Variants in ZC3H15 observed in about 807,000 individuals in gnomAD.
ZC3H15 encodes the protein zinc finger CCCH-type containing 15.
A neutral mutation model predicts 51.2 loss-of-function variants in ZC3H15; 15 were observed. The observed-to-expected ratio is 0.29, with a 90% CI of 0.20 to 0.45. ZC3H15 has a LOEUF of 0.45. ZC3H15 is among the 20% of genes least tolerant of loss of function. The pLI is 1.00. For synonymous variants in ZC3H15, 144 were observed against 162.8 expected (o/e 0.88, Z 0.88); for missense variants, 381 against 494.7 (o/e 0.77, Z 2.18).
At chr2:186,499,939 A>G (rs1335490381) in intron 2 of ZC3H15, among the ~76,000 whole-genome samples, 1 of 152,226 alleles carries the variant, frequency 6.6e-6, no homozygotes, top group African/African-American at 2.4e-5. Flanking sequence ...AGCATGTAGT[A>G]AGTGCTTAAT....
At chr2:186,507,341 A>G in intron 9 of ZC3H15, 1 of 455,260 alleles carries the variant, frequency 2.2e-6, no homozygotes. Context: ...TTGAGACTGC[A>G]ATGATAACGG....
chr2:186,506,640 T>G, intron 8 of ZC3H15, 73 bp from the exon 9 acceptor site: 1 of 1,509,332 alleles, frequency 6.6e-7, no homozygotes, highest in Non-Finnish European at 8.9e-7. Context: ...TTTTGGCTCA[T>G]TAAGATAAAT....
At chr2:186,504,322 A>G in intron 6 of ZC3H15, 108 bp downstream of exon 6, 3 of 967,066 alleles carry the variant, frequency 3.1e-6, no homozygotes, top group Non-Finnish European at 4.3e-6. Flanking sequence ...AAAAAAAAAT[A>G]TTGTGATCTA....
chr2:186,506,934 T>C (rs1685477020), intron 9 of ZC3H15, 98 bp downstream of exon 9: 2 of 1,302,920 alleles, frequency 1.5e-6, no homozygotes, highest in Admixed American at 2.2e-5. Context: ...AGGTACCAGA[T>C]TGGTAACATA....
In ZC3H15 at chr2:186,505,537, T is replaced by A. The variant is rs1481949791; in HGVS notation, c.804T>A (p.Asp268Glu). Residue 268 changes from aspartate to glutamate, a missense_variant, in exon 7 of 10, where the codon GAT (aspartate) becomes GAA (glutamate). Transcript: ENST00000337859. The part of the protein sequence containing the change: ...WKKRKRQEKI[D>E]KLEQDMERRK... Reference sequence around the variant, plus strand: ...AAAGGAAAAGACAAGAAAAGATTGATAAACTTGAACAAGATATGGAAAGAA... The same window carrying A: ...AAAGGAAAAGACAAGAAAAGATTGAAAAACTTGAACAAGATATGGAAAGAA... The A allele has an allele frequency of 1.2e-6, 2 of 1,608,516 alleles. No individual in the cohort carries two copies. The highest frequency in any genetic ancestry group is 1.7e-6 in the Non-Finnish European group (2 of 1,178,378).
intron 3 of ZC3H15, chr2:186,500,770 GT>G (rs1685369459): frequency 6.7e-6 from 3 of 448,826 alleles, no homozygotes; most frequent in Non-Finnish European, 1.3e-5. Context: ...CGACTGTCTG[GT>G]TCAAGCCATT....
Position 186,486,277 on chromosome 2 carries a change from G to C in ZC3H15, c.-106G>C. The C allele has an allele frequency of 8.0e-7, 1 of 1,256,890 alleles. No homozygotes were observed. The allele number at this position is 1,256,890 out of a possible 1,614,324, so 77.9% of individuals were successfully genotyped here. On this transcript the variant is annotated 5_prime_UTR_variant, in exon 1 of 10. Coordinates refer to ENST00000337859, the MANE Select transcript of ZC3H15 (RefSeq NM_018471.3). The stretch of plus-strand genomic sequence containing the variant: ...CAATGAGCGACTCGCTTTCCGTGCG[G>C]TGCGGCGAGTGAGGCCCCGGTCTTC...
chr2:186,498,030 T>C (rs567713437), intron 2 of ZC3H15, among the ~76,000 whole-genome samples: 1 of 152,264 alleles, frequency 6.6e-6, no homozygotes, highest in Admixed American at 6.5e-5. Flanking sequence ...CCCACCCAGA[T>C]TTTGCAACAT....
At position 186,509,221 on chromosome 2, in the gene ZC3H15, A is replaced by C; in HGVS notation, c.*488A>C. The C allele has an allele frequency of 4.4e-6, 1 of 228,996 alleles. No homozygotes were observed. Among genetic ancestry groups the C allele is most frequent in the Non-Finnish European group, 8.8e-6 (1 of 113,880 alleles). 14.2% of individuals were successfully genotyped at this position (228,996 alleles called of 1,614,324 possible). ...GATTCAGTATTGTGTATCTTTGGAC[A>C]ATTAGATGGACATTTAAAATGGAAC... On this transcript the variant is annotated 3_prime_UTR_variant, in exon 10 of 10. Coordinates refer to ENST00000337859, the MANE Select transcript of ZC3H15 (RefSeq NM_018471.3).
intron 4 of ZC3H15, among the ~76,000 whole-genome samples, chr2:186,502,000 G>C (rs987784567): frequency 6.6e-6 from 1 of 151,954 alleles, no homozygotes; most frequent in African/African-American, 2.4e-5. Context: ...ATGAGCCACT[G>C]CTCCGGCCTT....
At chr2:186,496,963 C>T in intron 2 of ZC3H15, 1 of 314,642 alleles carries the variant, frequency 3.2e-6, no homozygotes, top group Non-Finnish European at 6.1e-6. Context: ...AATGGTATAC[C>T]TTTTCTATTT....
rs1173191978 is a variant in ZC3H15 at position 186,501,423 on chromosome 2, AAG to A, written c.441_442del (p.Asp148TyrfsTer4). On this transcript the variant is annotated frameshift_variant and splice_region_variant, in exon 4 of 10. Coordinates refer to ENST00000337859, the MANE Select transcript of ZC3H15 (RefSeq NM_018471.3). LOFTEE classifies it high-confidence loss of function. ...GATGCAAGAGATGAAGAACTTGAAA[AAG>A]GTAATTTTTTTAAAAACACTCTCTT... 1 of 1,604,684 alleles carries A rather than the reference AAG, an allele frequency of 6.2e-7. No individual in the cohort carries two copies.
At chr2:186,500,463 T>C (rs1166277880) in intron 3 of ZC3H15, among the ~76,000 whole-genome samples, 170 bp downstream of exon 3, 2 of 152,198 alleles carry the variant, frequency 1.3e-5, no homozygotes, top group African/African-American at 4.8e-5. Context: ...CCTCTGTATA[T>C]GTTCACATCT....
chr2:186,493,852 T>C (rs1685237084), intron 1 of ZC3H15, among the ~76,000 whole-genome samples: 1 of 149,472 alleles, frequency 6.7e-6, no homozygotes, highest in Non-Finnish European at 1.5e-5. Flanking sequence ...GCACCAGTTA[T>C]TGGATCTAGG....
intron 2 of ZC3H15, among the ~76,000 whole-genome samples, chr2:186,497,418 T>C (rs1319894026): frequency 6.6e-6 from 1 of 152,182 alleles, no homozygotes; most frequent in Non-Finnish European, 1.5e-5. Flanking sequence ...TGTTTAGAGC[T>C]CACGCCTGTA....
At chr2:186,502,777 A>C (rs1463261768) in intron 5 of ZC3H15, among the ~76,000 whole-genome samples, 190 bp downstream of exon 5, 1 of 152,184 alleles carries the variant, frequency 6.6e-6, no homozygotes, top group Non-Finnish European at 1.5e-5. Flanking sequence ...CTTGTTCAGA[A>C]ATAGCTGAAC....
intron 2 of ZC3H15, among the ~76,000 whole-genome samples, chr2:186,499,108 A>G (rs370333507): frequency 2.0e-5 from 3 of 152,276 alleles, no homozygotes; most frequent in East Asian, 3.9e-4. Flanking sequence ...CTTCATGTTC[A>G]GTCAGTCCTA....
intron 2 of ZC3H15, among the ~76,000 whole-genome samples, chr2:186,498,996 C>G (rs1333628653): frequency 6.6e-6 from 1 of 152,196 alleles, no homozygotes; most frequent in African/African-American, 2.4e-5. Context: ...AAACTAAGCT[C>G]ATCTTCACCT....
chr2:186,505,683 G>A, intron 7 of ZC3H15, 57 bp from the exon 8 acceptor site: 3 of 1,605,188 alleles, frequency 1.9e-6, no homozygotes, highest in South Asian at 1.1e-5. Context: ...TATTTCATCA[G>A]TGACAAGGAA....
Sources: gnomAD v4.1 joint callset for allele counts (sites outside exome capture counted in the v4.1 genomes callset) on GRCh38, gnomAD v4.1.1 for gene constraint, MANE v1.5 for transcripts, NCBI Gene and HGNC (gene_info 2026-07-23, HGNC 2026-07-21) for gene names.